The following TAFA5 variants were observed in gnomAD, a reference collection of about 807,000 sequenced individuals.
TAFA5 encodes chemokine-like protein TAFA-5.
Under a neutral mutation model 15.3 loss-of-function variants are expected in TAFA5, and 6 were observed. That is an observed-to-expected ratio of 0.39 (90% CI 0.21 to 0.77). The LOEUF (loss-of-function observed/expected upper bound fraction) is 0.77. TAFA5 is among the 30% of genes least tolerant of loss of function. TAFA5 has a pLI of 0.41. For synonymous variants in TAFA5, 103 were observed against 80.7 expected (o/e 1.28, Z -1.48); for missense variants, 161 against 193.1 (o/e 0.83, Z 0.98).
chr22:48,586,070 G>A (rs76222821), intron 1 of TAFA5, among the ~76,000 whole-genome samples: 33,998 of 152,178 alleles, frequency 0.22, 4,184 homozygotes, highest in East Asian at 0.41. Context: ...ATCCTCACCC[G>A]GACCCTGACC....
chr22:48,540,099 C>T (rs1922311283), intron 1 of TAFA5, among the ~76,000 whole-genome samples: 1 of 152,198 alleles, frequency 6.6e-6, no homozygotes, highest in Non-Finnish European at 1.5e-5. Flanking sequence ...AGGGCTGGCC[C>T]CCTCACCCGC....
intron 1 of TAFA5, among the ~76,000 whole-genome samples, chr22:48,571,408 G>A (rs1350387347): frequency 6.7e-6 from 1 of 150,074 alleles, no homozygotes; most frequent in African/African-American, 2.4e-5. Flanking sequence ...TGGAGTACCT[G>A]GGATTACAGG....
At chr22:48,529,104 C>T (rs1222861574) in intron 1 of TAFA5, among the ~76,000 whole-genome samples, 1 of 152,106 alleles carries the variant, frequency 6.6e-6, no homozygotes. Context: ...TTTGAGAACT[C>T]GCTCTGGCGC....
intron 2 of TAFA5, among the ~76,000 whole-genome samples, chr22:48,655,925 C>T (rs534066162): frequency 4.6e-4 from 69 of 149,114 alleles, no homozygotes; most frequent in Middle Eastern, 3.4e-3. Flanking sequence ...CTGCAACCTC[C>T]GCCTCCCAGG....
chr22:48,622,425 G>T (rs930097696), intron 1 of TAFA5, among the ~76,000 whole-genome samples: 9 of 152,206 alleles, frequency 5.9e-5, no homozygotes, highest in African/African-American at 2.2e-4. Context: ...CCAGACACTT[G>T]CAGTGGGGAG....
chr22:48,686,160 C>A (rs1928347730), intron 2 of TAFA5, among the ~76,000 whole-genome samples: 1 of 152,202 alleles, frequency 6.6e-6, no homozygotes. Context: ...GAACTGTGGG[C>A]AGCAGGCAGT....
intron 1 of TAFA5, among the ~76,000 whole-genome samples, chr22:48,533,209 G>A (rs1043398834): frequency 7.2e-5 from 11 of 152,158 alleles, no homozygotes; most frequent in African/African-American, 2.4e-4. Context: ...GGGGACCGGC[G>A]GTGATTAGGG....
At chr22:48,584,487 CCACA>C (rs1924251015) in intron 1 of TAFA5, among the ~76,000 whole-genome samples, 1 of 145,000 alleles carries the variant, frequency 6.9e-6, no homozygotes, top group South Asian at 2.2e-4. Flanking sequence ...CACATTCACA[CCACA>C]CACAAAATAC....
At chr22:48,524,714 G>T (rs893660089) in intron 1 of TAFA5, among the ~76,000 whole-genome samples, 1 of 152,182 alleles carries the variant, frequency 6.6e-6, no homozygotes, top group Non-Finnish European at 1.5e-5. Context: ...TAGCTTGTGG[G>T]TGAGACCCTG....
Position 48,751,424 on chromosome 22 carries a change from C to T in TAFA5, c.*1577C>T, listed in dbSNP as rs1026429897. ...AGCCTCCTTCATTTTCCTGAGTTCCCGCTGAAGTATATACTACCTATGAGT... is the reference window on the plus strand; with the variant it reads ...AGCCTCCTTCATTTTCCTGAGTTCCTGCTGAAGTATATACTACCTATGAGT... On this transcript the variant is annotated 3_prime_UTR_variant, in exon 4 of 4. Transcript: ENST00000402357. 15 of 152,424 alleles carry T rather than the reference C, an allele frequency of 9.8e-5. No homozygotes were observed. The highest frequency in any genetic ancestry group is 3.4e-4 in the African/African-American group (14 of 41,418). The allele number at this position is 152,424 out of a possible 1,614,324, so 9.4% of individuals were successfully genotyped here.
intron 1 of TAFA5, among the ~76,000 whole-genome samples, chr22:48,511,891 C>T (rs1222538528): frequency 6.6e-6 from 1 of 152,242 alleles, no homozygotes; most frequent in Non-Finnish European, 1.5e-5. Flanking sequence ...GGCGGGCTCC[C>T]GGAAAGGGCT....
chr22:48,727,413 G>T (rs1929745661), intron 3 of TAFA5, among the ~76,000 whole-genome samples: 1 of 152,206 alleles, frequency 6.6e-6, no homozygotes, highest in Non-Finnish European at 1.5e-5. Context: ...TTAGAGAAAT[G>T]ATGTAGTCAT....
At chr22:48,678,620 C>CG (rs1306199101) in intron 2 of TAFA5, among the ~76,000 whole-genome samples, 1 of 136,056 alleles carries the variant, frequency 7.3e-6, no homozygotes. Context: ...GCAGGTGGTG[C>CG]GGCCTCTGTC....
At chr22:48,691,356 T>C (rs1928536018) in intron 2 of TAFA5, among the ~76,000 whole-genome samples, 1 of 152,184 alleles carries the variant, frequency 6.6e-6, no homozygotes, top group South Asian at 2.1e-4. Flanking sequence ...TTACTTCACG[T>C]TTGACATTTT....
At chr22:48,687,637 A>G (rs912487768) in intron 2 of TAFA5, among the ~76,000 whole-genome samples, 1 of 152,094 alleles carries the variant, frequency 6.6e-6, no homozygotes, top group Non-Finnish European at 1.5e-5. Flanking sequence ...AGGCAGTGAC[A>G]TTCCACTTGT....
At chr22:48,602,358 C>G (rs1925005600) in intron 1 of TAFA5, among the ~76,000 whole-genome samples, 1 of 152,218 alleles carries the variant, frequency 6.6e-6, no homozygotes, top group Non-Finnish European at 1.5e-5. Context: ...CTCCAGGGTC[C>G]CTGGGTGACG....
At chr22:48,663,108 T>C (rs35898538) in intron 2 of TAFA5, among the ~76,000 whole-genome samples, 43,545 of 152,102 alleles carry the variant, frequency 0.29, 6,765 homozygotes, top group African/African-American at 0.41. Context: ...CCCCTGGGTG[T>C]CTTAGCTGCG....
intron 1 of TAFA5, among the ~76,000 whole-genome samples, chr22:48,495,675 C>T (rs1433029252): frequency 6.6e-6 from 1 of 152,236 alleles, no homozygotes; most frequent in Non-Finnish European, 1.5e-5. Context: ...GCTGCCGTCA[C>T]TTGAGACCTC....
In TAFA5 at chr22:48,576,457, C is replaced by T. The variant is rs573207972; in HGVS notation, c.113-70140C>T. On this transcript the variant is annotated intron_variant, in intron 1 of 3. Coordinates refer to ENST00000402357, the MANE Select transcript of TAFA5 (RefSeq NM_001082967.3). Reference sequence around the variant, plus strand: ...GACCTTCGCTGCGCGACTTCGGGGGCGTCGGCCGAGTTGGGACTCCGCGAT... The same window carrying T: ...GACCTTCGCTGCGCGACTTCGGGGGTGTCGGCCGAGTTGGGACTCCGCGAT... 40 of 1,393,188 alleles carry T rather than the reference C, an allele frequency of 2.9e-5. No individual in the cohort carries two copies. The South Asian group carries it at 3.7e-4, about 13-fold the overall frequency. 86.3% of individuals were successfully genotyped at this position (1,393,188 alleles called of 1,614,324 possible). A position where few individuals can be genotyped will look rare whatever the true frequency, so the allele number is the denominator to read the frequency against.
Sources: allele counts gnomAD v4.1 joint callset (sites outside exome capture counted in the v4.1 genomes callset), GRCh38; gene constraint gnomAD v4.1.1; transcripts MANE v1.5; gene names NCBI Gene and HGNC (gene_info 2026-07-23, HGNC 2026-07-21).